Variants in DOCK3 observed in about 807,000 individuals in gnomAD.
The protein encoded by DOCK3 is dedicator of cytokinesis 3, also known as dedicator of cytokinesis protein 3.
Under a neutral mutation model 265.6 loss-of-function variants are expected in DOCK3, and 60 were observed. That is an observed-to-expected ratio of 0.23 (90% CI 0.18 to 0.28). The LOEUF (loss-of-function observed/expected upper bound fraction) is 0.28, where lower values mean the gene tolerates loss of function less well. Among genes scored for constraint, DOCK3 ranks in the 10% least tolerant of loss-of-function variants. DOCK3 has a pLI of 1.00. For synonymous variants in DOCK3, 881 were observed against 938.0 expected (o/e 0.94, Z 1.11); for missense variants, 1,981 against 2,594.3 (o/e 0.76, Z 5.14).
chr3:51,053,213 C>T (rs1021348663), intron 5 of DOCK3, among the ~76,000 whole-genome samples: 40 of 148,028 alleles, frequency 2.7e-4, no homozygotes, highest in Admixed American at 2.3e-3. Context: ...TCCTGATTCT[C>T]ACTCCCCATT....
chr3:50,706,823 A>G (rs929891434), intron 1 of DOCK3, among the ~76,000 whole-genome samples: 1 of 152,034 alleles, frequency 6.6e-6, no homozygotes, highest in African/African-American at 2.4e-5. Flanking sequence ...TTATTTGAAA[A>G]GAGACAAGTT....
chr3:50,859,651 C>T (rs528838714), intron 3 of DOCK3, among the ~76,000 whole-genome samples: 58 of 152,236 alleles, frequency 3.8e-4, no homozygotes, highest in African/African-American at 1.4e-3. Flanking sequence ...TGGATGTTTT[C>T]ACCAAGCTGA....
chr3:50,722,819 T>A (rs1285154741), intron 1 of DOCK3, among the ~76,000 whole-genome samples: 1 of 144,864 alleles, frequency 6.9e-6, no homozygotes, highest in Non-Finnish European at 1.5e-5. Flanking sequence ...TTGCCCAGGC[T>A]GGAGTGCAGT....
At chr3:51,271,803 A>G (rs2080509748) in intron 24 of DOCK3, among the ~76,000 whole-genome samples, 1 of 151,140 alleles carries the variant, frequency 6.6e-6, no homozygotes, top group African/African-American at 2.4e-5. Context: ...GTAAGCCAAG[A>G]TCACGCCATT....
intron 1 of DOCK3, among the ~76,000 whole-genome samples, chr3:50,700,798 C>T (rs1157880444): frequency 6.6e-6 from 1 of 152,116 alleles, no homozygotes; most frequent in Non-Finnish European, 1.5e-5. Flanking sequence ...GATAGATACT[C>T]GGTAGTGAGA....
intron 4 of DOCK3, among the ~76,000 whole-genome samples, chr3:50,894,154 T>C (rs1367559036): frequency 6.6e-6 from 1 of 151,740 alleles, no homozygotes; most frequent in Non-Finnish European, 1.5e-5. Context: ...TCCAAAGAAA[T>C]CCATGCTGAG....
At chr3:51,353,338 G>A (rs541195225) in intron 40 of DOCK3, among the ~76,000 whole-genome samples, 1 of 151,944 alleles carries the variant, frequency 6.6e-6, no homozygotes, top group Non-Finnish European at 1.5e-5. Context: ...CAGTCTGGGT[G>A]CAGTGGCTCA....
At chr3:50,868,556 TAG>T (rs1237763287) in intron 3 of DOCK3, among the ~76,000 whole-genome samples, 2 of 152,070 alleles carry the variant, frequency 1.3e-5, no homozygotes, top group Non-Finnish European at 2.9e-5. Flanking sequence ...GTATATTTTG[TAG>T]AGTCAGAGTT....
chr3:51,053,078 G>GGTATATAT (rs2081054177), intron 5 of DOCK3, among the ~76,000 whole-genome samples: 1 of 43,788 alleles, frequency 2.3e-5, no homozygotes, highest in South Asian at 1.2e-3. Context: ...AAAAGTCAAA[G>GGTATATAT]ATATATATAT....
intron 1 of DOCK3, among the ~76,000 whole-genome samples, chr3:50,698,463 A>G (rs905515038): frequency 7.2e-6 from 1 of 137,966 alleles, no homozygotes; most frequent in African/African-American, 2.7e-5. Context: ...ATCGTTATGA[A>G]TAATTATGCT....
chr3:51,178,650 T>C (rs1046050737), intron 12 of DOCK3, among the ~76,000 whole-genome samples: 1 of 152,200 alleles, frequency 6.6e-6, no homozygotes, highest in African/African-American at 2.4e-5. Flanking sequence ...TTCACAGGGA[T>C]AGAAGAGTCA....
chr3:50,936,871 G>A (rs909465282), intron 5 of DOCK3, among the ~76,000 whole-genome samples: 13 of 152,270 alleles, frequency 8.5e-5, no homozygotes, highest in Non-Finnish European at 1.5e-4. Context: ...AATGAAGAAA[G>A]CAATGGAAAG....
chr3:51,025,603 T>G (rs903689549), intron 5 of DOCK3, among the ~76,000 whole-genome samples: 10 of 152,188 alleles, frequency 6.6e-5, no homozygotes, highest in African/African-American at 2.4e-4. Flanking sequence ...TCCTGCTCAT[T>G]CCCCAGGTTC....
intron 5 of DOCK3, among the ~76,000 whole-genome samples, chr3:51,023,072 T>C (rs1021297425): frequency 6.6e-6 from 1 of 152,190 alleles, no homozygotes; most frequent in African/African-American, 2.4e-5. Flanking sequence ...TTCTTTGAGC[T>C]TCTTGTAGGT....
intron 9 of DOCK3, among the ~76,000 whole-genome samples, chr3:51,137,903 G>C (rs1357631309): frequency 6.6e-6 from 1 of 152,184 alleles, no homozygotes; most frequent in Admixed American, 6.5e-5. Flanking sequence ...AGGTGTGAGT[G>C]TTTATGAAAT....
At chr3:50,772,377 T>C (rs893859875) in intron 1 of DOCK3, among the ~76,000 whole-genome samples, 17 of 152,148 alleles carry the variant, frequency 1.1e-4, no homozygotes, top group African/African-American at 4.1e-4. Flanking sequence ...GAACAAGACC[T>C]ACTGTTTGAT....
intron 1 of DOCK3, among the ~76,000 whole-genome samples, chr3:50,714,837 C>G (rs2036998717): frequency 1.3e-5 from 2 of 152,184 alleles, no homozygotes; most frequent in South Asian, 4.1e-4. Flanking sequence ...CCTTTTGGCT[C>G]TTTGCACATG....
chr3:51,013,827 C>A (rs1332486695), intron 5 of DOCK3, among the ~76,000 whole-genome samples: 9 of 152,212 alleles, frequency 5.9e-5, no homozygotes, highest in African/African-American at 2.2e-4. Flanking sequence ...GTGGACTCCA[C>A]CCAGTTTGAG....
chr3:50,886,969 A>T (rs938673584), intron 3 of DOCK3, among the ~76,000 whole-genome samples: 19 of 152,262 alleles, frequency 1.2e-4, no homozygotes, highest in African/African-American at 4.6e-4. Flanking sequence ...AAGCAAGAGC[A>T]AACACATTCA....
Sources: allele counts gnomAD v4.1 joint callset (sites outside exome capture counted in the v4.1 genomes callset), GRCh38; gene constraint gnomAD v4.1.1; transcripts MANE v1.5; gene names NCBI Gene and HGNC (gene_info 2026-07-23, HGNC 2026-07-21).